Variants in RERE observed in about 807,000 individuals in gnomAD.
RERE encodes arginine-glutamic acid dipeptide repeats, also known as arginine-glutamic acid dipeptide repeats protein.
In RERE, 40 loss-of-function variants were observed where a neutral mutation model predicts 146.1. That is an observed-to-expected ratio of 0.27 (90% confidence interval 0.21 to 0.36). The LOEUF is 0.36. RERE is among the 10% of genes least tolerant of loss of function. The pLI is 1.00. For synonymous variants in RERE, 1,003 were observed against 866.0 expected (o/e 1.16, Z -2.78); for missense variants, 1,933 against 2,138.7 (o/e 0.90, Z 1.90).
At chr1:8,531,182 C>T (rs1022626691) in intron 7 of RERE, among the ~76,000 whole-genome samples, 4 of 152,028 alleles carry the variant, frequency 2.6e-5, no homozygotes, top group African/African-American at 4.8e-5. Flanking sequence ...TGGATGGGCC[C>T]GGGGGCTCAC....
chr1:8,476,145 T>C (rs1489227858), intron 10 of RERE, among the ~76,000 whole-genome samples: 1 of 152,230 alleles, frequency 6.6e-6, no homozygotes, highest in African/African-American at 2.4e-5. Context: ...TGCTGAGCAG[T>C]GCACAGTGTG....
Position 8,360,467 on chromosome 1 carries a change from G to GC in RERE, c.3039dup (p.Pro1014AlafsTer89), listed in dbSNP as rs1557586047. ...GGGGGGTGGGAGGCAGGGGGCGGGG[G>GC]CAGGTTCTGGCTCTGGGTCAGCCCG... On this transcript the variant is annotated frameshift_variant, in exon 18 of 23. Coordinates refer to ENST00000400908, the MANE Select transcript of RERE (RefSeq NM_001042681.2). LOFTEE classifies it high-confidence loss of function. 6.8e-6 allele frequency: 4 copies of GC among 591,152 alleles called. No individual in the cohort carries two copies. Among genetic ancestry groups the GC allele is most frequent in the Non-Finnish European group, 1.1e-5 (4 of 379,748 alleles). 36.6% of individuals were successfully genotyped at this position (591,152 alleles called of 1,614,324 possible).
At chr1:8,394,299 T>A (rs1396560207) in intron 12 of RERE, among the ~76,000 whole-genome samples, 1 of 152,234 alleles carries the variant, frequency 6.6e-6, no homozygotes, top group African/African-American at 2.4e-5. Context: ...GGAAGTATGC[T>A]AAACATACTG....
intron 3 of RERE, among the ~76,000 whole-genome samples, chr1:8,616,851 T>C (rs1646857691): frequency 6.6e-6 from 1 of 152,202 alleles, no homozygotes; most frequent in African/African-American, 2.4e-5. Flanking sequence ...AGCAAAATGC[T>C]GGGATTATTT....
chr1:8,631,897 CCACAGA>C (rs1647040443), intron 2 of RERE, among the ~76,000 whole-genome samples: 1 of 152,164 alleles, frequency 6.6e-6, no homozygotes, highest in Admixed American at 6.5e-5. Flanking sequence ...GCTTGTGGCA[CCACAGA>C]CACAAAGGAA....
intron 3 of RERE, among the ~76,000 whole-genome samples, chr1:8,617,764 T>G (rs1162580913): frequency 6.6e-6 from 1 of 152,238 alleles, no homozygotes; most frequent in African/African-American, 2.4e-5. Flanking sequence ...CATTTATCTT[T>G]GCTGAAAGTC....
intron 1 of RERE, chr1:8,750,984 T>A (rs1414084915): frequency 6.0e-6 from 4 of 671,502 alleles, no homozygotes; most frequent in African/African-American, 5.3e-5. Flanking sequence ...ATCATCTGCA[T>A]GGAGGATCTG....
chr1:8,677,551 C>T (rs568826089), intron 1 of RERE, among the ~76,000 whole-genome samples: 15 of 151,764 alleles, frequency 9.9e-5, no homozygotes, highest in Admixed American at 7.2e-4. Context: ...CACAGGTTAG[C>T]GTTCTAACAT....
At chr1:8,461,054 G>A (rs1437594259) in intron 11 of RERE, among the ~76,000 whole-genome samples, 1 of 152,166 alleles carries the variant, frequency 6.6e-6, no homozygotes, top group East Asian at 1.9e-4. Context: ...CCTTCAGCTC[G>A]CATGCATAAA....
chr1:8,499,891 G>A (rs574333524), intron 8 of RERE, among the ~76,000 whole-genome samples: 161 of 151,744 alleles, frequency 1.1e-3, no homozygotes, highest in Non-Finnish European at 2.0e-3. Context: ...AGGCCGAGGC[G>A]GGCAGATCAC....
At position 8,812,496 on chromosome 1, in the gene RERE, A is replaced by T. The variant is rs569588802; in HGVS notation, c.-145+4664T>A. ...ACCCTGTCTCTTCTAAAAATACAAAAATTAGCCAGGTGTGGTGGCACATGT... is the reference window on the plus strand; with the variant it reads ...ACCCTGTCTCTTCTAAAAATACAAATATTAGCCAGGTGTGGTGGCACATGT... On this transcript the variant is annotated intron_variant, in intron 1 of 22. Transcript: ENST00000400908. Among the ~76,000 whole-genome samples, 389 of 152,178 alleles carry T rather than the reference A, an allele frequency of 2.6e-3. 3 individuals carry two copies. The highest frequency in any genetic ancestry group is 8.9e-3 in the African/African-American group (369 of 41,514).
intron 1 of RERE, among the ~76,000 whole-genome samples, chr1:8,804,338 C>A (rs1641643237): frequency 6.6e-6 from 1 of 152,132 alleles, no homozygotes; most frequent in Admixed American, 6.6e-5. Context: ...AAATTCTATA[C>A]TGGATACTGA....
chr1:8,790,832 C>T (rs961982218), intron 1 of RERE, among the ~76,000 whole-genome samples: 1 of 152,162 alleles, frequency 6.6e-6, no homozygotes, highest in African/African-American at 2.4e-5. Flanking sequence ...GTGATCCACC[C>T]ACCTCAGCCT....
intron 11 of RERE, among the ~76,000 whole-genome samples, chr1:8,436,944 C>G (rs74049638): frequency 0.019 from 2,893 of 152,266 alleles, 88 homozygotes; most frequent in African/African-American, 0.066. Flanking sequence ...CTAGAATAAT[C>G]CTAACTTCTT....
chr1:8,643,918 C>T (rs1266313594), intron 2 of RERE, among the ~76,000 whole-genome samples: 1 of 152,160 alleles, frequency 6.6e-6, no homozygotes, highest in Non-Finnish European at 1.5e-5. Context: ...CCACATTATA[C>T]CATTAAAGTA....
chr1:8,416,376 G>A (rs557838061), intron 12 of RERE, among the ~76,000 whole-genome samples: 2 of 152,116 alleles, frequency 1.3e-5, no homozygotes, highest in Non-Finnish European at 2.9e-5. Flanking sequence ...ACAAGGTCAG[G>A]AGATCGAGAC....
intron 10 of RERE, among the ~76,000 whole-genome samples, chr1:8,481,176 G>A (rs1033926134): frequency 2.0e-5 from 3 of 152,150 alleles, no homozygotes; most frequent in African/African-American, 7.2e-5. Flanking sequence ...GAGTGCAGTG[G>A]CGCGATCTCG....
chr1:8,373,567 G>C (rs2124393466), intron 12 of RERE, among the ~76,000 whole-genome samples: 1 of 149,564 alleles, frequency 6.7e-6, no homozygotes, highest in African/African-American at 2.5e-5. Context: ...CCTAAACCCG[G>C]GCCCAGAGAG....
At chr1:8,652,189 A>G (rs1647663651) in intron 2 of RERE, among the ~76,000 whole-genome samples, 1 of 152,176 alleles carries the variant, frequency 6.6e-6, no homozygotes, top group African/African-American at 2.4e-5. Flanking sequence ...GCAAAGGCAC[A>G]GCCCCCACTC....
Sources: allele counts gnomAD v4.1 joint callset (sites outside exome capture counted in the v4.1 genomes callset), GRCh38; gene constraint gnomAD v4.1.1; transcripts MANE v1.5; gene names NCBI Gene and HGNC (gene_info 2026-07-23, HGNC 2026-07-21).